Variants in COG5 observed in about 807,000 individuals in gnomAD.
COG5 encodes the protein component of oligomeric golgi complex 5.
A neutral mutation model predicts 110.4 loss-of-function variants in COG5; 86 were observed. That is an observed-to-expected ratio of 0.78 (90% confidence interval 0.65 to 0.93). The LOEUF (loss-of-function observed/expected upper bound fraction) is 0.93. Ranked by LOEUF, COG5 falls within the 40% of genes least tolerant of loss-of-function variation. The probability of loss-of-function intolerance (pLI) is 0.00; values close to 1 mark genes in which losing one functional copy is unlikely to be tolerated. For synonymous variants in COG5, 360 were observed against 334.6 expected (o/e 1.08, Z -0.83); for missense variants, 1,077 against 987.0 (o/e 1.09, Z -1.22).
chr7:107,278,259 CCTT>C lies in COG5; in HGVS notation c.1575+3038_1575+3040del, dbSNP rs535235740. On this transcript the variant is annotated intron_variant, in intron 14 of 21. Transcript: ENST00000297135. ...CCTTCCTTCCCTTCCTTCCTTTCTT[CCTT>C]CGTTTCTGTTCTTTTCTTTTTTATT... Among the ~76,000 whole-genome samples the C allele has an allele frequency of 3.5e-3, 535 of 152,072 alleles. 2 individuals carry two copies. The highest frequency in any genetic ancestry group is 6.8e-3 in the Middle Eastern group (2 of 294).
chr7:107,304,135 C>A (rs1285095254), intron 11 of COG5, among the ~76,000 whole-genome samples: 1 of 152,198 alleles, frequency 6.6e-6, no homozygotes, highest in African/African-American at 2.4e-5. Context: ...TGATTTTATT[C>A]CCCTATCTTT....
chr7:107,453,023 T>C (rs1276470567), intron 6 of COG5, among the ~76,000 whole-genome samples: 1 of 152,216 alleles, frequency 6.6e-6, no homozygotes, highest in Non-Finnish European at 1.5e-5. Flanking sequence ...TATACTATCA[T>C]AGTGTATTCA....
chr7:107,523,497 G>A (rs564029552), intron 6 of COG5, among the ~76,000 whole-genome samples: 18 of 152,076 alleles, frequency 1.2e-4, no homozygotes, highest in Admixed American at 2.0e-4. Flanking sequence ...GGGGGAAGTA[G>A]AACTTTCAAA....
intron 16 of COG5, among the ~76,000 whole-genome samples, chr7:107,251,534 T>C (rs1270317300): frequency 2.6e-5 from 4 of 152,138 alleles, no homozygotes; most frequent in African/African-American, 9.7e-5. Context: ...AATTCTGTTA[T>C]CAGAATTAAA....
chr7:107,505,719 A>G (rs1798943611), intron 6 of COG5, among the ~76,000 whole-genome samples: 1 of 152,228 alleles, frequency 6.6e-6, no homozygotes, highest in African/African-American at 2.4e-5. Context: ...CCACCAGTGG[A>G]AAGATCTGGG....
chr7:107,512,013 C>T (rs890708509), intron 6 of COG5, among the ~76,000 whole-genome samples: 1 of 152,168 alleles, frequency 6.6e-6, no homozygotes, highest in Non-Finnish European at 1.5e-5. Context: ...TCTCACCACT[C>T]CTATTCAACA....
chr7:107,319,194 C>G (rs1204431144), intron 11 of COG5, among the ~76,000 whole-genome samples: 2 of 151,364 alleles, frequency 1.3e-5, no homozygotes, highest in Non-Finnish European at 2.9e-5. Context: ...TTGATACTGT[C>G]CATTTATCTC....
chr7:107,212,025 G>A (rs1223103700), intron 19 of COG5, among the ~76,000 whole-genome samples: 2 of 152,192 alleles, frequency 1.3e-5, no homozygotes, highest in East Asian at 1.9e-4. Context: ...GTATCCTGGG[G>A]TCTTTCTTTA....
intron 11 of COG5, among the ~76,000 whole-genome samples, chr7:107,308,151 T>C (rs1013912573): frequency 4.6e-5 from 7 of 152,152 alleles, no homozygotes; most frequent in African/African-American, 1.7e-4. Flanking sequence ...TCCTACAGAG[T>C]TTCCCATAGC....
rs747457457 is a variant in COG5 at position 107,256,757 on chromosome 7, T to A, written c.1724A>T (p.Glu575Val). ...CTTTAGAGCTGAAATTATAGTTTGC[T>A]CAGCTGCCAGTGGGAATGAGCTCTG... is the stretch of plus-strand genomic sequence containing the variant. ...SSQSSFPLAA[E>V]QTIISALKAI... Residue 575 changes from glutamate to valine, a missense_variant, in exon 16 of 22, where the codon GAG becomes GTG. Physicochemically the swap from Glu to Val is moderately radical, Grantham distance 121. Transcript: ENST00000297135. 7 of 1,610,940 alleles carry A rather than the reference T, an allele frequency of 4.3e-6. No individual in the cohort carries two copies. The highest frequency in any genetic ancestry group is 1.7e-5 in the Admixed American group (1 of 59,814).
rs1799696923 is a variant in COG5, at chr7:107,218,760, GAAGA to G, written c.2169-7539_2169-7536del. Among the ~76,000 whole-genome samples, 3 of 152,060 alleles carry G rather than the reference GAAGA, an allele frequency of 2.0e-5. No individual in the cohort carries two copies. The South Asian group carries it at 6.2e-4, about 32-fold the overall frequency. ...GGACTTGAAACTGTAAAAAAAACTAGAAGAAAGAAAACATAGGGGGAAACTTCCA... is the reference window on the plus strand; with the variant it reads ...GGACTTGAAACTGTAAAAAAAACTAGAAGAAAACATAGGGGGAAACTTCCA... On this transcript the variant is annotated intron_variant, in intron 19 of 21. Coordinates refer to ENST00000297135, the MANE Select transcript of COG5 (RefSeq NM_006348.5).
intron 18 of COG5, among the ~76,000 whole-genome samples, chr7:107,235,620 T>C (rs1208927540): frequency 6.6e-6 from 1 of 152,214 alleles, no homozygotes; most frequent in Admixed American, 6.5e-5. Context: ...GAGGAATCAC[T>C]TGAACCCAGG....
At chr7:107,336,948 A>T (rs1294382508) in intron 10 of COG5, among the ~76,000 whole-genome samples, 3 of 152,146 alleles carry the variant, frequency 2.0e-5, no homozygotes, top group African/African-American at 7.2e-5. Context: ...AGTCAATTCA[A>T]CAGTAAGAAA....
rs184931040 is a variant in COG5 at position 107,230,956 on chromosome 7, A to C, written c.2092-265T>G. On this transcript the variant is annotated intron_variant, in intron 18 of 21. Transcript: ENST00000297135. ...TTTGTTATATAAAAGGAAAAAGTTT[A>C]TATCATTTATCCATTGAAAAATAAG... 5.8e-3 allele frequency among the ~76,000 whole-genome samples: 877 copies of C among 152,348 alleles called. 7 individuals are homozygous for C. The highest frequency in any genetic ancestry group is 0.024 in the Middle Eastern group (7 of 294).
chr7:107,335,772 G>A (rs747029569), intron 10 of COG5, among the ~76,000 whole-genome samples: 6 of 152,086 alleles, frequency 3.9e-5, no homozygotes, highest in Non-Finnish European at 5.9e-5. Context: ...GTAAAGGGAT[G>A]CAAAAAGATA....
chr7:107,216,661 A>C (rs1200600533), intron 19 of COG5, among the ~76,000 whole-genome samples: 1 of 152,246 alleles, frequency 6.6e-6, no homozygotes, highest in Non-Finnish European at 1.5e-5. Flanking sequence ...AATGGGTCAA[A>C]GGAGAAAACA....
At chr7:107,326,239 C>G (rs1809756429) in intron 10 of COG5, among the ~76,000 whole-genome samples, 1 of 152,114 alleles carries the variant, frequency 6.6e-6, no homozygotes. Flanking sequence ...CCTCTAAGAT[C>G]AGGAACAAGG....
At chr7:107,488,171 T>G (rs918708779) in intron 6 of COG5, among the ~76,000 whole-genome samples, 1 of 150,520 alleles carries the variant, frequency 6.6e-6, no homozygotes, top group East Asian at 1.9e-4. Context: ...TTTAAAAAAA[T>G]TTTAAAATAT....
chr7:107,550,366 C>T (rs534107751), intron 3 of COG5, among the ~76,000 whole-genome samples: 27 of 152,230 alleles, frequency 1.8e-4, no homozygotes, highest in Non-Finnish European at 2.9e-4. Flanking sequence ...TAAACTATTC[C>T]GAGTATTAAT....
Sources: allele counts gnomAD v4.1 joint callset (sites outside exome capture counted in the v4.1 genomes callset), GRCh38; gene constraint gnomAD v4.1.1; transcripts MANE v1.5; gene names NCBI Gene and HGNC (gene_info 2026-07-23, HGNC 2026-07-21).